The following TOP2B variants were observed in gnomAD, a reference collection of about 807,000 sequenced individuals.
TOP2B encodes the protein DNA topoisomerase II beta, also known as DNA topoisomerase 2-beta.
Under a neutral mutation model 193.5 loss-of-function variants are expected in TOP2B, and 51 were observed. The observed-to-expected ratio is 0.26, with a 90% confidence interval of 0.21 to 0.33. The LOEUF (loss-of-function observed/expected upper bound fraction) is 0.33, where lower values mean the gene tolerates loss of function less well. TOP2B is among the 10% of genes least tolerant of loss of function. The pLI, the probability that TOP2B is intolerant of heterozygous loss-of-function variation, is 1.00. For synonymous variants in TOP2B, 634 were observed against 635.7 expected (o/e 1.00, Z 0.04); for missense variants, 1,378 against 1,909.3 (o/e 0.72, Z 5.19).
chr3:25,607,501 C>T, intron 30 of TOP2B, 126 bp from the exon 31 acceptor site: 1 of 1,246,224 alleles, frequency 8.0e-7, no homozygotes, highest in East Asian at 2.6e-5. Flanking sequence ...GAAATAAAAG[C>T]AAGCATTTAC....
chr3:25,629,543 T>C (rs573991229), intron 13 of TOP2B, among the ~76,000 whole-genome samples: 9 of 152,266 alleles, frequency 5.9e-5, no homozygotes, highest in African/African-American at 2.2e-4. Flanking sequence ...TGCTTAAAAC[T>C]ATATATTAAT....
intron 1 of TOP2B, among the ~76,000 whole-genome samples, chr3:25,662,419 G>C (rs1198907162): frequency 6.6e-6 from 1 of 152,158 alleles, no homozygotes; most frequent in Non-Finnish European, 1.5e-5. Context: ...AAGACTTACA[G>C]GAGTGATTAT....
Position 25,605,969 on chromosome 3 carries a change from G to T in TOP2B, c.4378+74C>A, listed in dbSNP as rs979818723. On this transcript the variant is annotated intron_variant, in intron 32 of 35. Transcript: ENST00000264331. ...TTCTGAAGTTAAATCATGACCTAACGATTTATTTACTGTTTTCTCTCCACC... is the reference window on the plus strand; with the variant it reads ...TTCTGAAGTTAAATCATGACCTAACTATTTATTTACTGTTTTCTCTCCACC... 8.4e-6 allele frequency: 7 copies of T among 829,698 alleles called. No individual in the cohort carries two copies. The African/African-American group carries it at 1.3e-4, about 15-fold the overall frequency. 51.4% of individuals were successfully genotyped at this position (829,698 alleles called of 1,614,324 possible).
chr3:25,629,395 C>T (rs941826436), intron 13 of TOP2B, among the ~76,000 whole-genome samples: 6 of 151,914 alleles, frequency 3.9e-5, no homozygotes, highest in Admixed American at 2.0e-4. Context: ...CCCCAGATTT[C>T]ACTAAAAGAA....
intron 5 of TOP2B, among the ~76,000 whole-genome samples, chr3:25,637,605 A>G (rs1234947475): frequency 6.6e-6 from 1 of 152,050 alleles, no homozygotes; most frequent in African/African-American, 2.4e-5. Flanking sequence ...AATCTCTGTG[A>G]GTATGAAATC....
intron 1 of TOP2B, among the ~76,000 whole-genome samples, chr3:25,650,698 A>G (rs1260589861): frequency 6.6e-6 from 1 of 152,214 alleles, no homozygotes; most frequent in Non-Finnish European, 1.5e-5. Flanking sequence ...CCTCTTAAAT[A>G]AGGGCATGAA....
In TOP2B at chr3:25,664,298, G is replaced by A. The variant is rs1446160861; in HGVS notation, c.-1C>T. 7.8e-6 allele frequency: 12 copies of A among 1,532,050 alleles called. No individual in the cohort carries two copies. The highest frequency in any genetic ancestry group is 1.0e-5 in the Non-Finnish European group (12 of 1,144,548). The allele number at this position is 1,532,050 out of a possible 1,614,324, so 94.9% of individuals were successfully genotyped here. ...CGCCGCAGCCACCCGACTTGGCCAT[G>A]GCGAGTGCCTCCAGCTCACAGGCCC... On this transcript the variant is annotated 5_prime_UTR_variant, in exon 1 of 36. Coordinates refer to ENST00000264331, the MANE Select transcript of TOP2B (RefSeq NM_001330700.2).
intron 1 of TOP2B, among the ~76,000 whole-genome samples, chr3:25,651,172 T>G (rs575441419): frequency 1.3e-5 from 2 of 152,202 alleles, no homozygotes; most frequent in African/African-American, 4.8e-5. Context: ...TACAGATCAC[T>G]TAAATATAGT....
chr3:25,627,040 C>T, intron 16 of TOP2B, 147 bp downstream of exon 16: 2 of 700,472 alleles, frequency 2.9e-6, no homozygotes, highest in Non-Finnish European at 4.8e-6. Context: ...GAAGTTTATA[C>T]AAGCACAGCA....
chr3:25,610,674 T>C (rs1055973210), intron 28 of TOP2B, among the ~76,000 whole-genome samples: 6 of 152,210 alleles, frequency 3.9e-5, no homozygotes, highest in African/African-American at 9.6e-5. Context: ...AATTTGTGCA[T>C]AGTCAGTGGG....
chr3:25,632,610 A>T (rs1370663524), intron 9 of TOP2B, 27 bp from the exon 10 acceptor site: 1 of 1,601,724 alleles, frequency 6.2e-7, no homozygotes, highest in Admixed American at 1.8e-5. Context: ...CAAAAAAGTC[A>T]ATATCAGAGC....
At chr3:25,637,842 A>G in intron 5 of TOP2B, among the ~76,000 whole-genome samples, 1 of 152,154 alleles carries the variant, frequency 6.6e-6, no homozygotes, top group East Asian at 1.9e-4. Flanking sequence ...TTTAAAAGTA[A>G]CTTAATACCA....
At chr3:25,609,139 A>G (rs1327322564) in intron 30 of TOP2B, 44 bp downstream of exon 30, 6 of 1,486,058 alleles carry the variant, frequency 4.0e-6, no homozygotes, top group Non-Finnish European at 5.5e-6. Context: ...ACCAACGTAT[A>G]GGTTAAACTA....
At chr3:25,614,156 T>C (rs1241533311) in intron 27 of TOP2B, among the ~76,000 whole-genome samples, 1 of 152,168 alleles carries the variant, frequency 6.6e-6, no homozygotes, top group Non-Finnish European at 1.5e-5. Context: ...TAAAATAAGA[T>C]GATAAATTAA....
chr3:25,641,229 A>G (rs1703254635), intron 4 of TOP2B, among the ~76,000 whole-genome samples: 1 of 152,124 alleles, frequency 6.6e-6, no homozygotes. Context: ...ATGTTCATCA[A>G]GAGTGTATTT....
chr3:25,640,267 C>G (rs1333395748), intron 4 of TOP2B, among the ~76,000 whole-genome samples: 1 of 152,128 alleles, frequency 6.6e-6, no homozygotes, highest in East Asian at 1.9e-4. Context: ...TCAGCAACTT[C>G]TCACAAAATG....
At chr3:25,652,268 C>T (rs191481004) in intron 1 of TOP2B, among the ~76,000 whole-genome samples, 67 of 152,224 alleles carry the variant, frequency 4.4e-4, no homozygotes, top group Non-Finnish European at 1.5e-5. Context: ...ATAGAACAAC[C>T]ACACAGAAGA....
At position 25,641,478 on chromosome 3, in the gene TOP2B, T is replaced by C. The variant is rs558119782; in HGVS notation, c.395+844A>G. On this transcript the variant is annotated intron_variant, in intron 4 of 35. Transcript: ENST00000264331. The stretch of plus-strand genomic sequence containing the variant: ...TGTAACTTATGTCTTGTATGCCTTA[T>C]ATAACTTCTCAAGAATGCATTCATT... Among the ~76,000 whole-genome samples the C allele has an allele frequency of 1.7e-4, 26 of 152,178 alleles. No individual in the cohort carries two copies. The South Asian group carries it at 5.2e-3, about 30-fold the overall frequency.
At chr3:25,619,759 G>C (rs1575569435) in intron 23 of TOP2B, 103 bp downstream of exon 23, 2 of 504,242 alleles carry the variant, frequency 4.0e-6, no homozygotes, top group Non-Finnish European at 6.7e-6. Context: ...AAAAAAAAAT[G>C]CCTTCAGGCT....
Sources: gnomAD v4.1 joint callset for allele counts (sites outside exome capture counted in the v4.1 genomes callset) on GRCh38, gnomAD v4.1.1 for gene constraint, MANE v1.5 for transcripts, NCBI Gene and HGNC (gene_info 2026-07-23, HGNC 2026-07-21) for gene names.